The following NAV3 variants were observed in gnomAD, a reference collection of about 807,000 sequenced individuals.
The protein encoded by NAV3 is pore membrane and/or filament interacting like protein 1.
A neutral mutation model predicts 244.7 loss-of-function variants in NAV3; 87 were observed. The observed-to-expected ratio is 0.36, with a 90% CI of 0.30 to 0.42. The LOEUF (loss-of-function observed/expected upper bound fraction) is 0.42, where lower values mean the gene tolerates loss of function less well. Ranked by LOEUF, NAV3 falls within the 20% of genes least tolerant of loss-of-function variation. The pLI is 1.00. For missense variants in NAV3, 2,663 were observed against 2,893.3 expected, an observed-to-expected ratio of 0.92 and a Z score of 1.83; for synonymous variants, 1,126 against 1,042.2, an observed-to-expected ratio of 1.08 and a Z score of -1.55.
intron 2 of NAV3, among the ~76,000 whole-genome samples, chr12:77,667,988 T>C (rs1156915176): frequency 6.6e-6 from 1 of 152,080 alleles, no homozygotes; most frequent in Non-Finnish European, 1.5e-5. Context: ...TTGCAGACAC[T>C]CCCCAGTACC....
chr12:77,622,626 G>T (rs1246498735), intron 2 of NAV3, among the ~76,000 whole-genome samples: 1 of 144,328 alleles, frequency 6.9e-6, no homozygotes, highest in East Asian at 2.1e-4. Context: ...ACTTAAGCTA[G>T]TTGTACTTGC....
intron 2 of NAV3, among the ~76,000 whole-genome samples, chr12:77,579,310 C>A (rs938337886): frequency 6.6e-6 from 1 of 152,170 alleles, no homozygotes; most frequent in Non-Finnish European, 1.5e-5. Flanking sequence ...CACAAATGAG[C>A]AATACATTGA....
chr12:78,051,263 T>G, intron 11 of NAV3, 116 bp downstream of exon 11: 1 of 1,139,236 alleles, frequency 8.8e-7, no homozygotes, highest in Non-Finnish European at 1.2e-6. Context: ...ACATATGAGA[T>G]ATCTGAGGTT....
intron 2 of NAV3, among the ~76,000 whole-genome samples, chr12:77,574,415 A>G (rs941084669): frequency 5.9e-5 from 9 of 152,216 alleles, no homozygotes; most frequent in African/African-American, 2.2e-4. Flanking sequence ...GAAAGGTAAC[A>G]TCATAAATCT....
chr12:78,104,805 C>T (rs1954719127), intron 12 of NAV3, among the ~76,000 whole-genome samples: 2 of 152,112 alleles, frequency 1.3e-5, no homozygotes, highest in African/African-American at 2.4e-5. Flanking sequence ...AGCATTTTTC[C>T]TTTTCTTAAA....
In NAV3 at chr12:78,137,320, C is replaced by T. The variant is rs751958255; in HGVS notation, c.4585C>T (p.Arg1529Cys). Residue 1529 changes from arginine to cysteine, a missense_variant, in exon 19 of 40, where the codon CGT becomes TGT. This residue lies in a region of NAV3 where 354 missense variants were observed against 413.0 expected (regional missense o/e 0.86). Coordinates refer to ENST00000397909, the MANE Select transcript of NAV3 (RefSeq NM_001024383.2). ...GSATSLEERP[R>C]AISHSGSFRD... ...TGCCACTTCTCTGGAGGAAAGACCT[C>T]GTGCCATCAGTCATTCGGGCTCATT... The T allele has an allele frequency of 9.3e-6, 15 of 1,613,102 alleles. No homozygotes were observed. Among genetic ancestry groups the T allele is most frequent in the Middle Eastern group, 1.6e-4 (1 of 6,078 alleles).
intron 2 of NAV3, among the ~76,000 whole-genome samples, chr12:77,746,784 G>A (rs1241727612): frequency 6.6e-6 from 1 of 152,088 alleles, no homozygotes; most frequent in Admixed American, 6.6e-5. Context: ...TAGCCAACTG[G>A]GAACTCTCTT....
intron 1 of NAV3, among the ~76,000 whole-genome samples, chr12:77,893,588 TAA>T (rs533047055): frequency 1.8e-4 from 26 of 140,570 alleles, no homozygotes; most frequent in Non-Finnish European, 9.4e-5. Context: ...ATAGCCAAAC[TAA>T]AAAAAAAAAA....
chr12:78,118,194 T>A lies in NAV3; in HGVS notation c.2937T>A (p.Ala979=), dbSNP rs2138571727. Residue 979 remains alanine, a synonymous_variant, in exon 14 of 40, where the codon GCT becomes GCA. Coordinates refer to ENST00000397909, the MANE Select transcript of NAV3 (RefSeq NM_001024383.2). ...ACCCCGAGAAGGCAGGGCAGAAAGC[T>A]TCCCTGTCTGTTTCACAGACAGGTT... is the stretch of plus-strand genomic sequence containing the variant. ...PEDPEKAGQK[A]SLSVSQTGSW... is the part of the protein sequence containing the mutation. 6.2e-7 allele frequency: 1 copy of A among 1,613,930 alleles called. No homozygotes were observed. The highest frequency in any genetic ancestry group is 1.1e-5 in the South Asian group (1 of 91,072).
intron 2 of NAV3, among the ~76,000 whole-genome samples, chr12:77,812,294 A>G (rs978972295): frequency 1.3e-5 from 2 of 152,214 alleles, no homozygotes; most frequent in Non-Finnish European, 2.9e-5. Context: ...TAAATAACTT[A>G]AAAAATAGTG....
chr12:77,879,809 A>G (rs1882395235), intron 1 of NAV3, among the ~76,000 whole-genome samples: 1 of 151,984 alleles, frequency 6.6e-6, no homozygotes, highest in African/African-American at 2.4e-5. Context: ...GCTAGCTATA[A>G]CTTTTCAAAA....
chr12:78,043,742 G>A (rs1435242837), intron 9 of NAV3, among the ~76,000 whole-genome samples: 1 of 152,166 alleles, frequency 6.6e-6, no homozygotes, highest in African/African-American at 2.4e-5. Context: ...CTTTTGAGAG[G>A]TGTCTGTTCA....
chr12:77,580,254 A>G (rs568438163), intron 2 of NAV3, among the ~76,000 whole-genome samples: 196 of 151,362 alleles, frequency 1.3e-3, no homozygotes, highest in African/African-American at 4.7e-3. Flanking sequence ...ACACACACAC[A>G]CACACACAAA....
chr12:77,855,972 C>G (rs915674820), intron 1 of NAV3, among the ~76,000 whole-genome samples: 5 of 152,176 alleles, frequency 3.3e-5, no homozygotes, highest in African/African-American at 1.2e-4. Flanking sequence ...CTAACTGATA[C>G]AGATTCGTAC....
chr12:77,707,127 T>C (rs1875857205), intron 2 of NAV3, among the ~76,000 whole-genome samples: 2 of 151,770 alleles, frequency 1.3e-5, no homozygotes, highest in African/African-American at 4.8e-5. Context: ...GTTACATATG[T>C]ATACATGTGC....
At chr12:78,110,554 G>T (rs1955036158) in intron 12 of NAV3, among the ~76,000 whole-genome samples, 1 of 151,766 alleles carries the variant, frequency 6.6e-6, no homozygotes, top group Admixed American at 6.6e-5. Context: ...ATTGAACATG[G>T]ATTTTATCAA....
chr12:78,005,200 G>GA (rs199970293), intron 7 of NAV3, among the ~76,000 whole-genome samples: 1,877 of 152,190 alleles, frequency 0.012, 37 homozygotes, highest in African/African-American at 0.043. Context: ...AAAGAGATGA[G>GA]AAAAAATGAC....
intron 36 of NAV3, chr12:78,199,133 T>G (rs530088854): frequency 1.0e-4 from 65 of 646,916 alleles, no homozygotes; most frequent in Admixed American, 7.4e-4. Flanking sequence ...GCTCAAAAAG[T>G]AGAGTTAGCT....
upstream of NAV3, among the ~76,000 whole-genome samples, chr12:77,829,481 T>G (rs1225483560): frequency 6.6e-6 from 1 of 152,228 alleles, no homozygotes; most frequent in Non-Finnish European, 1.5e-5. Context: ...GGATTACAAG[T>G]TGCATATGTC....
Sources: allele counts gnomAD v4.1 joint callset (sites outside exome capture counted in the v4.1 genomes callset), GRCh38; gene constraint gnomAD v4.1.1; regional missense constraint gnomAD v4.1.1; transcripts MANE v1.5; gene names NCBI Gene and HGNC (gene_info 2026-07-23, HGNC 2026-07-21).